ATXN1: variants seen among roughly 807,000 people sequenced by gnomAD.
ATXN1 encodes ataxin 1.
Under a neutral mutation model 56.4 loss-of-function variants are expected in ATXN1, and 8 were observed. That is an observed-to-expected ratio of 0.14 (90% CI 0.08 to 0.26). The LOEUF is 0.26. ATXN1 is among the 10% of genes least tolerant of loss of function. ATXN1 has a pLI of 1.00. For missense variants in ATXN1, 987 were observed against 1,106.5 expected, an observed-to-expected ratio of 0.89 and a Z score of 1.53; for synonymous variants, 514 against 494.6, an observed-to-expected ratio of 1.04 and a Z score of -0.52.
At chr6:16,387,901 A>G (rs1344706409) in intron 6 of ATXN1, among the ~76,000 whole-genome samples, 1 of 152,232 alleles carries the variant, frequency 6.6e-6, no homozygotes, top group Non-Finnish European at 1.5e-5. Context: ...AATCTTAACA[A>G]CAACAACAAT....
At chr6:16,519,430 G>C (rs551475227) in intron 5 of ATXN1, among the ~76,000 whole-genome samples, 1 of 152,282 alleles carries the variant, frequency 6.6e-6, no homozygotes, top group Non-Finnish European at 1.5e-5. Context: ...TAGAGAAACT[G>C]CAATTAGAAA....
chr6:16,688,085 A>G (rs1445760425), intron 2 of ATXN1, among the ~76,000 whole-genome samples: 1 of 152,166 alleles, frequency 6.6e-6, no homozygotes, highest in East Asian at 1.9e-4. Flanking sequence ...TATTAACATT[A>G]GCTCTTCAAT....
intron 5 of ATXN1, among the ~76,000 whole-genome samples, chr6:16,500,556 G>A (rs1220753540): frequency 6.6e-6 from 1 of 152,020 alleles, no homozygotes; most frequent in Non-Finnish European, 1.5e-5. Context: ...GTATGCATGT[G>A]GGTGTGTGAG....
intron 3 of ATXN1, among the ~76,000 whole-genome samples, chr6:16,614,375 A>C (rs966118726): frequency 6.6e-6 from 1 of 151,748 alleles, no homozygotes; most frequent in African/African-American, 2.4e-5. Flanking sequence ...GGTGGGCCCC[A>C]GTGTACTTCA....
At chr6:16,594,897 G>C (rs1156529879) in intron 3 of ATXN1, among the ~76,000 whole-genome samples, 1 of 152,222 alleles carries the variant, frequency 6.6e-6, no homozygotes, top group South Asian at 2.1e-4. Flanking sequence ...TACTTCGTAA[G>C]ATGACGGTTA....
In ATXN1 at chr6:16,387,940, C is replaced by G. The variant is rs564935505; in HGVS notation, c.-160-59470G>C. Among the ~76,000 whole-genome samples, 6 of 152,226 alleles carry G rather than the reference C, an allele frequency of 3.9e-5. No individual in the cohort carries two copies. In the South Asian group the frequency reaches 1.2e-3, roughly 32 times the overall value. On this transcript the variant is annotated intron_variant, in intron 6 of 7. Transcript: ENST00000436367. Reference sequence around the variant, plus strand: ...TTTAGTGGATACTTTTTAAAACTCCCAATTGCATAAATTCAGCCAGAGAGG... The same window carrying G: ...TTTAGTGGATACTTTTTAAAACTCCGAATTGCATAAATTCAGCCAGAGAGG...
chr6:16,738,753 T>C (rs1760225010), intron 2 of ATXN1: 1 of 152,258 alleles, frequency 6.6e-6, no homozygotes, highest in Non-Finnish European at 1.5e-5. Context: ...GTGATGGGGT[T>C]TGACCCGTGT....
intron 6 of ATXN1, among the ~76,000 whole-genome samples, chr6:16,480,154 C>CAAAAAAAAAAAAAA (rs60209783): frequency 3.8e-5 from 3 of 79,118 alleles, no homozygotes; most frequent in Admixed American, 2.7e-4. Context: ...ACTTCATCTG[C>CAAAAAAAAAAAAAA]AAAAAAAAAA....
chr6:16,357,702 G>A (rs1419746602), intron 6 of ATXN1, among the ~76,000 whole-genome samples: 1 of 152,210 alleles, frequency 6.6e-6, no homozygotes, highest in Non-Finnish European at 1.5e-5. Context: ...TTCCCAGAGG[G>A]TCTAGACTCA....
intron 3 of ATXN1, among the ~76,000 whole-genome samples, chr6:16,628,663 G>A (rs1763449838): frequency 6.6e-6 from 1 of 152,022 alleles, no homozygotes; most frequent in Admixed American, 6.6e-5. Flanking sequence ...TCCCTTCTTT[G>A]TGTCCATGAG....
intron 2 of ATXN1, among the ~76,000 whole-genome samples, chr6:16,679,169 T>C (rs988600093): frequency 2.0e-5 from 3 of 148,762 alleles, no homozygotes; most frequent in African/African-American, 5.0e-5. Context: ...GATGAATAGA[T>C]GGATGGAAGG....
rs1260278400 is a variant in ATXN1 at position 16,301,589 on chromosome 6, C to CACTT, written c.*4736_*4739dup. ...AATGTGGAAGCAAAGGCCTCCACGC[C>CACTT]ACTTAAAAAAAAAAAAAGTGTAATT... On this transcript the variant is annotated 3_prime_UTR_variant, in exon 8 of 8. Coordinates refer to ENST00000436367, the MANE Select transcript of ATXN1 (RefSeq NM_001128164.2). 6 of 151,732 alleles carry CACTT rather than the reference C, an allele frequency of 4.0e-5. No homozygotes were observed. Among genetic ancestry groups the CACTT allele is most frequent in the African/African-American group, 1.5e-4 (6 of 41,202 alleles). 9.4% of individuals were successfully genotyped at this position (151,732 alleles called of 1,614,324 possible).
chr6:16,667,786 C>T (rs1480121597), intron 2 of ATXN1, among the ~76,000 whole-genome samples: 1 of 152,212 alleles, frequency 6.6e-6, no homozygotes, highest in Non-Finnish European at 1.5e-5. Context: ...GTCCCCTTTG[C>T]TTATTATTTC....
rs1298450549 is a variant in ATXN1, at chr6:16,319,614, G to A, written c.1917+6780C>T. On this transcript the variant is annotated intron_variant, in intron 7 of 7. Coordinates refer to ENST00000436367, the MANE Select transcript of ATXN1 (RefSeq NM_001128164.2). Reference sequence around the variant, plus strand: ...GGACTTTAGTTAAAAATAAGGTATCGGTACTGGCTCATCAGTTGTAACCAA... The same window carrying A: ...GGACTTTAGTTAAAAATAAGGTATCAGTACTGGCTCATCAGTTGTAACCAA... 5.9e-5 allele frequency among the ~76,000 whole-genome samples: 9 copies of A among 152,132 alleles called. No individual in the cohort carries two copies. The East Asian group carries it at 9.6e-4, about 16-fold the overall frequency.
At chr6:16,666,016 G>T (rs982237701) in intron 2 of ATXN1, among the ~76,000 whole-genome samples, 3 of 152,018 alleles carry the variant, frequency 2.0e-5, no homozygotes, top group Non-Finnish European at 4.4e-5. Context: ...TAGTTATTTT[G>T]AAATATACAA....
chr6:16,728,466 T>C (rs1295463729), intron 2 of ATXN1, among the ~76,000 whole-genome samples: 1 of 152,114 alleles, frequency 6.6e-6, no homozygotes, highest in African/African-American at 2.4e-5. Context: ...ATCTGGGATG[T>C]AGGACAGAAA....
At chr6:16,638,743 G>A (rs779651784) in intron 3 of ATXN1, among the ~76,000 whole-genome samples, 7 of 152,216 alleles carry the variant, frequency 4.6e-5, no homozygotes, top group South Asian at 2.1e-4. Flanking sequence ...TTATGTTGTC[G>A]AGCTGTTAAA....
At position 16,303,530 on chromosome 6, in the gene ATXN1, T is replaced by C. The variant is rs1266772756; in HGVS notation, c.*2799A>G. Reference sequence around the variant, plus strand: ...TAACTATATAGCACACTGGTCAGACTCTATTGGCACAGAAAGTATTGCACA... The same window carrying C: ...TAACTATATAGCACACTGGTCAGACCCTATTGGCACAGAAAGTATTGCACA... On this transcript the variant is annotated 3_prime_UTR_variant, in exon 8 of 8. Coordinates refer to ENST00000436367, the MANE Select transcript of ATXN1 (RefSeq NM_001128164.2). This position sits in a 1 kb window ranked among gnomAD's most constrained non-coding sequence, Gnocchi z 4.3. 2.0e-5 allele frequency: 3 copies of C among 152,648 alleles called. No homozygotes were observed. In the East Asian group the frequency reaches 5.8e-4, roughly 29 times the overall value. The allele number at this position is 152,648 out of a possible 1,614,324, so 9.5% of individuals were successfully genotyped here.
intron 2 of ATXN1, among the ~76,000 whole-genome samples, chr6:16,684,244 T>C (rs1159367023): frequency 6.6e-6 from 1 of 152,222 alleles, no homozygotes; most frequent in African/African-American, 2.4e-5. Flanking sequence ...AAGTTTTCTT[T>C]ATTGGATTCT....
Sources: allele counts gnomAD v4.1 joint callset (sites outside exome capture counted in the v4.1 genomes callset), GRCh38; gene constraint gnomAD v4.1.1; non-coding constraint Gnocchi (gnomAD v3.1); transcripts MANE v1.5; gene names NCBI Gene and HGNC (gene_info 2026-07-23, HGNC 2026-07-21).